SGCD: variants seen among roughly 807,000 people sequenced by gnomAD.
SGCD encodes the protein sarcoglycan delta.
A neutral mutation model predicts 36.6 loss-of-function variants in SGCD; 18 were observed. That is an observed-to-expected ratio of 0.49 (90% CI 0.34 to 0.73). SGCD has a LOEUF of 0.73. Among genes scored for constraint, SGCD ranks in the 30% least tolerant of loss-of-function variants. SGCD has a pLI of 0.01. For missense variants in SGCD, 387 were observed against 346.7 expected, an observed-to-expected ratio of 1.12 and a Z score of -0.92; for synonymous variants, 133 against 130.6, an observed-to-expected ratio of 1.02 and a Z score of -0.12.
chr5:156,093,610 G>A (rs948374542), intron 1 of SGCD, among the ~76,000 whole-genome samples: 1 of 152,178 alleles, frequency 6.6e-6, no homozygotes, highest in Non-Finnish European at 1.5e-5. Context: ...CGTTCCAGGT[G>A]GGCCATGTCC....
intron 1 of SGCD, among the ~76,000 whole-genome samples, chr5:155,963,677 AC>A (rs1757838530): frequency 6.6e-6 from 1 of 152,136 alleles, no homozygotes; most frequent in Non-Finnish European, 1.5e-5. Flanking sequence ...AGTGGCTTTT[AC>A]AAAATTCCAT....
intron 7 of SGCD, among the ~76,000 whole-genome samples, chr5:156,685,941 AG>A (rs926628193): frequency 5.9e-4 from 90 of 152,136 alleles, no homozygotes; most frequent in African/African-American, 2.1e-3. Context: ...GAGGAGGGAG[AG>A]GGGCAGAAAA....
At chr5:156,520,783 CA>C (rs1450431850) in intron 4 of SGCD, among the ~76,000 whole-genome samples, 1 of 151,852 alleles carries the variant, frequency 6.6e-6, no homozygotes, top group East Asian at 1.9e-4. Flanking sequence ...TTTGGGAGGA[CA>C]AGGAGGGTGG....
chr5:156,460,968 A>G (rs528172686), intron 3 of SGCD, among the ~76,000 whole-genome samples: 1 of 152,314 alleles, frequency 6.6e-6, no homozygotes, highest in East Asian at 1.9e-4. Flanking sequence ...AATTAATTAA[A>G]TATGTGTGTA....
intron 7 of SGCD, among the ~76,000 whole-genome samples, chr5:156,695,971 A>G (rs987113345): frequency 4.6e-5 from 7 of 152,246 alleles, no homozygotes; most frequent in Non-Finnish European, 5.9e-5. Context: ...TTTTGTCAAC[A>G]TGAAACACTT....
At chr5:156,238,363 T>C (rs1765219517) in intron 3 of SGCD, among the ~76,000 whole-genome samples, 1 of 152,172 alleles carries the variant, frequency 6.6e-6, no homozygotes, top group African/African-American at 2.4e-5. Context: ...GGGATCCCTT[T>C]CCCTGGAGTG....
chr5:156,648,797 G>A (rs1350494969), intron 7 of SGCD, among the ~76,000 whole-genome samples: 4 of 152,106 alleles, frequency 2.6e-5, no homozygotes, highest in Non-Finnish European at 4.4e-5. Flanking sequence ...AATCTTTTAA[G>A]CAAATACGTC....
At chr5:155,943,816 A>G (rs368710083) in intron 1 of SGCD, among the ~76,000 whole-genome samples, 1 of 152,178 alleles carries the variant, frequency 6.6e-6, no homozygotes, top group African/African-American at 2.4e-5. Flanking sequence ...CTCAAACTCT[A>G]TTTACAGACT....
chr5:155,889,730 A>G (rs244977), intron 1 of SGCD, among the ~76,000 whole-genome samples: 135,450 of 152,250 alleles, frequency 0.89, 60,322 homozygotes, highest in Admixed American at 0.92. Context: ...CATCAAATGC[A>G]TTGCCTGCCA....
At chr5:156,031,276 A>T (rs1759344703) in intron 1 of SGCD, among the ~76,000 whole-genome samples, 1 of 152,148 alleles carries the variant, frequency 6.6e-6, no homozygotes, top group Non-Finnish European at 1.5e-5. Context: ...TAGTCTGAGA[A>T]CCACTCTTTG....
Position 156,074,569 on chromosome 5 carries a change from A to G in SGCD, c.-281-43309A>G, listed in dbSNP as rs573911936. ...TGGTGGCATGCCTGTAGTCCGAGCT[A>G]CTTGGGAGGCTGAGGCAGGAGAATC... On this transcript the variant is annotated intron_variant, in intron 1 of 9. Transcript: ENST00000517913. 3.3e-5 allele frequency among the ~76,000 whole-genome samples: 5 copies of G among 152,268 alleles called. No homozygotes were observed. In the East Asian group the frequency reaches 9.7e-4, roughly 29 times the overall value.
At chr5:156,403,233 A>G (rs1772244299) in intron 3 of SGCD, among the ~76,000 whole-genome samples, 1 of 152,160 alleles carries the variant, frequency 6.6e-6, no homozygotes, top group Non-Finnish European at 1.5e-5. Flanking sequence ...AGATCAAGAC[A>G]AGCCCAGGAT....
At chr5:156,285,803 C>G (rs1429074054) in intron 3 of SGCD, among the ~76,000 whole-genome samples, 1 of 152,014 alleles carries the variant, frequency 6.6e-6, no homozygotes, top group Non-Finnish European at 1.5e-5. Context: ...GCAATGGCAA[C>G]AAAAGCCAAA....
At chr5:156,251,822 G>A (rs1026588087) in intron 3 of SGCD, among the ~76,000 whole-genome samples, 2 of 151,270 alleles carry the variant, frequency 1.3e-5, no homozygotes, top group Non-Finnish European at 3.0e-5. Context: ...CCTATACTAC[G>A]TTTTAAAACT....
intron 7 of SGCD, among the ~76,000 whole-genome samples, chr5:156,731,672 T>A (rs887798285): frequency 5.3e-5 from 8 of 152,168 alleles, no homozygotes; most frequent in African/African-American, 1.9e-4. Flanking sequence ...CTTTTTTGGT[T>A]CCACATGATT....
intron 1 of SGCD, among the ~76,000 whole-genome samples, chr5:155,905,662 A>G (rs535116935): frequency 2.0e-5 from 3 of 152,178 alleles, no homozygotes; most frequent in African/African-American, 7.2e-5. Flanking sequence ...GGATTCCCAC[A>G]TGTTGTGGGA....
At chr5:156,046,431 G>T (rs1246602017) in intron 1 of SGCD, among the ~76,000 whole-genome samples, 2 of 151,960 alleles carry the variant, frequency 1.3e-5, no homozygotes, top group Non-Finnish European at 2.9e-5. Flanking sequence ...AACATTGAAG[G>T]TTTGTAGCAA....
At chr5:156,325,973 C>A (rs78302754), upstream of SGCD, among the ~76,000 whole-genome samples, 761 of 152,314 alleles carry the variant, frequency 5.0e-3, 3 homozygotes, top group African/African-American at 0.016. Context: ...CAAGAACATA[C>A]AACACTTAAA....
At chr5:155,872,351 G>A (rs912227151) in intron 1 of SGCD, among the ~76,000 whole-genome samples, 3 of 145,080 alleles carry the variant, frequency 2.1e-5, no homozygotes, top group African/African-American at 7.5e-5. Context: ...CTTCTCTTCA[G>A]CACACACACA....
Sources: gnomAD v4.1 joint callset for allele counts (sites outside exome capture counted in the v4.1 genomes callset) on GRCh38, gnomAD v4.1.1 for gene constraint, MANE v1.5 for transcripts, NCBI Gene and HGNC (gene_info 2026-07-23, HGNC 2026-07-21) for gene names.